The following PPP1CB variants were observed in gnomAD, a reference collection of about 807,000 sequenced individuals.
PPP1CB encodes the protein protein phosphatase 1 catalytic subunit beta, also known as serine/threonine-protein phosphatase PP1-beta catalytic subunit.
Under a neutral mutation model 43.7 loss-of-function variants are expected in PPP1CB, and 2 were observed. That is an observed-to-expected ratio of 0.05 (90% CI 0.02 to 0.14). The LOEUF is 0.14. PPP1CB is among the 10% of genes least tolerant of loss of function. The pLI, the probability that PPP1CB is intolerant of heterozygous loss-of-function variation, is 1.00. For synonymous variants in PPP1CB, 136 were observed against 135.6 expected, an observed-to-expected ratio of 1.00 and a Z score of -0.02; for missense variants, 84 against 398.0, an observed-to-expected ratio of 0.21 and a Z score of 6.71.
At chr2:28,771,783 CAT>C (rs1666919141) in intron 1 of PPP1CB, among the ~76,000 whole-genome samples, 1 of 151,860 alleles carries the variant, frequency 6.6e-6, no homozygotes, top group Non-Finnish European at 1.5e-5. Context: ...TGGAAGGAAA[CAT>C]AAGGAAATAT....
At chr2:28,759,807 C>T (rs1321899012) in intron 1 of PPP1CB, among the ~76,000 whole-genome samples, 4 of 151,850 alleles carry the variant, frequency 2.6e-5, no homozygotes, top group Non-Finnish European at 5.9e-5. Flanking sequence ...TTAGTAGAGA[C>T]GGGGTTTCAC....
At chr2:28,779,063 A>G (rs754175797) in intron 3 of PPP1CB, 24 bp downstream of exon 3, 1 of 1,483,100 alleles carries the variant, frequency 6.7e-7, no homozygotes, top group Non-Finnish European at 9.3e-7. Flanking sequence ...AAGACTTAGA[A>G]AAGTAATTCA....
At chr2:28,778,632 C>A in intron 2 of PPP1CB, 177 bp from the exon 3 acceptor site, 1 of 584,932 alleles carries the variant, frequency 1.7e-6, no homozygotes, top group South Asian at 2.1e-5. Context: ...TCTTTTGTAA[C>A]TTAATCTTGG....
rs904199729 is a variant in PPP1CB at position 28,799,450 on chromosome 2, T to G, written c.*147T>G. 5.2e-6 allele frequency: 3 copies of G among 581,112 alleles called. No individual in the cohort carries two copies. Among genetic ancestry groups the G allele is most frequent in the Non-Finnish European group, 9.0e-6 (3 of 333,660 alleles). The allele number at this position is 581,112 out of a possible 1,614,324, so 36.0% of individuals were successfully genotyped here. On this transcript the variant is annotated 3_prime_UTR_variant, in exon 8 of 8. Transcript: ENST00000395366. ...AGGAGACGGGTAAAGGATCTTAAAT[T>G]TTTTTCTAATAGAAAGATGTGCTAC...
At chr2:28,755,363 C>T (rs1323482680) in intron 1 of PPP1CB, among the ~76,000 whole-genome samples, 1 of 152,096 alleles carries the variant, frequency 6.6e-6, no homozygotes, top group Non-Finnish European at 1.5e-5. Flanking sequence ...TTCAAAGAGT[C>T]CTTTAGGTCA....
chr2:28,777,780 G>A (rs561633038), intron 2 of PPP1CB, among the ~76,000 whole-genome samples: 2 of 152,302 alleles, frequency 1.3e-5, no homozygotes, highest in South Asian at 2.1e-4. Flanking sequence ...AGACTCCTGA[G>A]TAGCTGGGAT....
intron 1 of PPP1CB, among the ~76,000 whole-genome samples, chr2:28,768,953 G>C (rs565684520): frequency 2.0e-5 from 3 of 152,254 alleles, no homozygotes; most frequent in African/African-American, 7.2e-5. Flanking sequence ...CAATGGGATG[G>C]AAATATTGAC....
rs1667324309 is a variant in PPP1CB, at chr2:28,788,638, T to C, written c.593-20T>C. ...ATCTGTAAATTTTGTTCTTAATTGC[T>C]GTATTTCTGTCCTTTAAAGGTTTGC... is the stretch of plus-strand genomic sequence containing the variant. On this transcript the variant is annotated intron_variant, in intron 5 of 7. Coordinates refer to ENST00000395366, the MANE Select transcript of PPP1CB (RefSeq NM_002709.3). 2 of 1,607,080 alleles carry C rather than the reference T, an allele frequency of 1.2e-6. No homozygotes were observed. Among genetic ancestry groups the C allele is most frequent in the Admixed American group, 1.7e-5 (1 of 58,282 alleles).
At chr2:28,752,617 G>A (rs1346489524) in intron 1 of PPP1CB, among the ~76,000 whole-genome samples, 1 of 152,234 alleles carries the variant, frequency 6.6e-6, no homozygotes, top group South Asian at 2.1e-4. Context: ...GGCTGCCTCC[G>A]ATTGTCGTTC....
At chr2:28,763,129 A>C (rs1005086004) in intron 1 of PPP1CB, among the ~76,000 whole-genome samples, 2 of 152,226 alleles carry the variant, frequency 1.3e-5, no homozygotes, top group African/African-American at 4.8e-5. Flanking sequence ...TAAAACAGTC[A>C]CAGGAGTGCT....
At chr2:28,795,103 C>T (rs1038133894) in intron 7 of PPP1CB, among the ~76,000 whole-genome samples, 4 of 152,144 alleles carry the variant, frequency 2.6e-5, no homozygotes, top group Admixed American at 2.6e-4. Context: ...ATTTGATTTT[C>T]TCTTCCTGCA....
chr2:28,763,639 A>G (rs1410312612), intron 1 of PPP1CB, among the ~76,000 whole-genome samples: 1 of 152,154 alleles, frequency 6.6e-6, no homozygotes, highest in Non-Finnish European at 1.5e-5. Flanking sequence ...CATATACACA[A>G]TATTACAGAC....
At chr2:28,758,742 A>T (rs1451260447) in intron 1 of PPP1CB, among the ~76,000 whole-genome samples, 3 of 152,194 alleles carry the variant, frequency 2.0e-5, no homozygotes, top group Non-Finnish European at 4.4e-5. Flanking sequence ...TTGTGAGAGT[A>T]TGTATAACCT....
intron 3 of PPP1CB, among the ~76,000 whole-genome samples, chr2:28,780,084 CTTTTTTTTTTTTTTT>C (rs10559224): frequency 7.6e-6 from 1 of 131,796 alleles, no homozygotes; most frequent in Non-Finnish European, 1.6e-5. Flanking sequence ...TCTTTTCTTT[CTTTTTTTTTTTTTTT>C]TTTTTTGAGA....
At chr2:28,781,346 A>G (rs892009443) in intron 3 of PPP1CB, among the ~76,000 whole-genome samples, 1 of 152,178 alleles carries the variant, frequency 6.6e-6, no homozygotes, top group Non-Finnish European at 1.5e-5. Flanking sequence ...GCATTTTGGG[A>G]GAAAACAACA....
intron 5 of PPP1CB, among the ~76,000 whole-genome samples, chr2:28,785,695 G>A (rs1005547186): frequency 5.9e-5 from 9 of 151,998 alleles, no homozygotes; most frequent in African/African-American, 2.2e-4. Context: ...CAGCACCGCG[G>A]CTACTCAGGA....
At chr2:28,756,682 C>T (rs1019332160) in intron 1 of PPP1CB, among the ~76,000 whole-genome samples, 2 of 152,086 alleles carry the variant, frequency 1.3e-5, no homozygotes, top group African/African-American at 2.4e-5. Flanking sequence ...CGGGGTCTCC[C>T]TATGTTGGTT....
chr2:28,775,211 G>C (rs10204329), intron 1 of PPP1CB, among the ~76,000 whole-genome samples: 85,869 of 151,886 alleles, frequency 0.57, 24,785 homozygotes, highest in Middle Eastern at 0.63. Context: ...TCAAGTGAAC[G>C]TTCCACCTCA....
At chr2:28,765,312 T>G (rs1007828027) in intron 1 of PPP1CB, among the ~76,000 whole-genome samples, 1 of 152,230 alleles carries the variant, frequency 6.6e-6, no homozygotes, top group African/African-American at 2.4e-5. Flanking sequence ...ATTCTATGTA[T>G]TTCATCTTAG....
Sources: gnomAD v4.1 joint callset for allele counts (sites outside exome capture counted in the v4.1 genomes callset) on GRCh38, gnomAD v4.1.1 for gene constraint, MANE v1.5 for transcripts, NCBI Gene and HGNC (gene_info 2026-07-23, HGNC 2026-07-21) for gene names.